The following EEPD1 variants were observed in gnomAD, a reference collection of about 807,000 sequenced individuals.
EEPD1 encodes endonuclease/exonuclease/phosphatase family domain-containing protein 1.
A neutral mutation model predicts 46.3 loss-of-function variants in EEPD1; 17 were observed. The ratio of observed to expected loss-of-function variants is 0.37; its 90% CI spans 0.25 to 0.55. The LOEUF is 0.55. Among genes scored for constraint, EEPD1 ranks in the 20% least tolerant of loss-of-function variants. EEPD1 has a pLI of 0.83. For synonymous variants in EEPD1, 313 were observed against 315.6 expected (o/e 0.99, Z 0.09); for missense variants, 673 against 745.6 (o/e 0.90, Z 1.13).
intron 2 of EEPD1, among the ~76,000 whole-genome samples, chr7:36,183,206 C>T (rs571267617): frequency 2.0e-5 from 3 of 152,156 alleles, no homozygotes; most frequent in Admixed American, 6.5e-5. Context: ...GTAGACGGCA[C>T]GCATGTATCA....
intron 3 of EEPD1, among the ~76,000 whole-genome samples, chr7:36,269,172 A>G (rs1787066000): frequency 6.6e-6 from 1 of 152,214 alleles, no homozygotes. Context: ...TACTCAGCTT[A>G]TTTAGGACTT....
chr7:36,198,359 G>GAAAAAAAAAAAAAAA (rs1381831424), intron 2 of EEPD1, among the ~76,000 whole-genome samples: 1 of 39,650 alleles, frequency 2.5e-5, no homozygotes, highest in Admixed American at 2.8e-4. Flanking sequence ...AAAAAAAAAA[G>GAAAAAAAAAAAAAAA]AAAGATATTT....
At chr7:36,240,763 G>A (rs577961035) in intron 3 of EEPD1, among the ~76,000 whole-genome samples, 35 of 152,246 alleles carry the variant, frequency 2.3e-4, no homozygotes, top group African/African-American at 8.2e-4. Flanking sequence ...TTGGCACCAG[G>A]GACCAGTTTC....
At chr7:36,251,589 C>A (rs555637172) in intron 3 of EEPD1, among the ~76,000 whole-genome samples, 193 of 152,296 alleles carry the variant, frequency 1.3e-3, no homozygotes, top group African/African-American at 4.5e-3. Flanking sequence ...GGATTACAGG[C>A]ATGAGCCACT....
At chr7:36,189,351 G>C (rs2024444) in intron 2 of EEPD1, among the ~76,000 whole-genome samples, 117,803 of 152,164 alleles carry the variant, frequency 0.77, 45,726 homozygotes, top group East Asian at 0.9. Flanking sequence ...TATTCCAAAT[G>C]CTAAGAAAAA....
At chr7:36,278,200 A>G (rs1787210416) in intron 3 of EEPD1, among the ~76,000 whole-genome samples, 2 of 152,164 alleles carry the variant, frequency 1.3e-5, no homozygotes, top group African/African-American at 4.8e-5. Flanking sequence ...AGCCACGAGC[A>G]TGGGAATCAG....
At chr7:36,170,762 C>T (rs1435067782) in intron 2 of EEPD1, among the ~76,000 whole-genome samples, 1 of 152,104 alleles carries the variant, frequency 6.6e-6, no homozygotes, top group Non-Finnish European at 1.5e-5. Flanking sequence ...GTTGCTTGGT[C>T]ATTCACCATA....
intron 2 of EEPD1, among the ~76,000 whole-genome samples, chr7:36,216,581 A>G (rs1309716932): frequency 1.3e-5 from 2 of 152,262 alleles, no homozygotes; most frequent in African/African-American, 4.8e-5. Context: ...CTGGGAAGGT[A>G]TTGTTTGAAA....
chr7:36,261,106 A>G (rs890618571), intron 3 of EEPD1, among the ~76,000 whole-genome samples: 4 of 152,180 alleles, frequency 2.6e-5, no homozygotes, highest in Admixed American at 1.3e-4. Flanking sequence ...GTATAGATGT[A>G]TGTGTGGATG....
intron 2 of EEPD1, among the ~76,000 whole-genome samples, chr7:36,238,386 C>T (rs1454363879): frequency 6.6e-6 from 1 of 152,212 alleles, no homozygotes; most frequent in Admixed American, 6.5e-5. Context: ...TTTTACCCAG[C>T]CCCTATTCAA....
intron 6 of EEPD1, among the ~76,000 whole-genome samples, chr7:36,292,036 C>G (rs1219109330): frequency 6.6e-6 from 1 of 152,216 alleles, no homozygotes; most frequent in Admixed American, 6.5e-5. Flanking sequence ...GCCCTGAAAT[C>G]ACTTTGTAGT....
intron 2 of EEPD1, among the ~76,000 whole-genome samples, chr7:36,188,004 G>T (rs1785391730): frequency 6.6e-6 from 1 of 151,582 alleles, no homozygotes; most frequent in African/African-American, 2.4e-5. Context: ...CACCATGTTG[G>T]TCAGGCTGGT....
At chr7:36,164,887 C>CA (rs34535323) in intron 2 of EEPD1, among the ~76,000 whole-genome samples, 234 of 152,092 alleles carry the variant, frequency 1.5e-3, no homozygotes, top group Admixed American at 2.4e-3. Flanking sequence ...TTAACAGTAG[C>CA]AAAAACTTAT....
intron 3 of EEPD1, 135 bp downstream of exon 3, chr7:36,239,171 A>G (rs1161899907): frequency 1.1e-6 from 1 of 879,992 alleles, no homozygotes; most frequent in Non-Finnish European, 1.8e-6. Flanking sequence ...CTGACAGCGA[A>G]TCATGCAGAA....
At chr7:36,218,655 T>C (rs1786076463) in intron 2 of EEPD1, among the ~76,000 whole-genome samples, 1 of 152,244 alleles carries the variant, frequency 6.6e-6, no homozygotes, top group Non-Finnish European at 1.5e-5. Flanking sequence ...ATTTTCCATT[T>C]AATATTTTTG....
Position 36,251,435 on chromosome 7 carries a change from C to T in EEPD1, c.930+12399C>T, listed in dbSNP as rs907405390. Among the ~76,000 whole-genome samples the T allele has an allele frequency of 5.3e-5, 8 of 152,130 alleles. No individual in the cohort carries two copies. In the East Asian group the frequency reaches 7.7e-4, roughly 15 times the overall value. The stretch of plus-strand genomic sequence containing the variant: ...AAGCAATTCTCCTGCCTCAGCCTCC[C>T]GAGTAGCTGGGATTACAGGCATGCA... On this transcript the variant is annotated intron_variant, in intron 3 of 7. Coordinates refer to ENST00000242108, the MANE Select transcript of EEPD1 (RefSeq NM_030636.3).
At chr7:36,218,500 G>A (rs1033980228) in intron 2 of EEPD1, among the ~76,000 whole-genome samples, 1 of 152,094 alleles carries the variant, frequency 6.6e-6, no homozygotes, top group Admixed American at 6.5e-5. Flanking sequence ...CCTTCTTCTT[G>A]TGCTGATGTG....
At chr7:36,232,833 G>C (rs1439519699) in intron 2 of EEPD1, among the ~76,000 whole-genome samples, 1 of 151,862 alleles carries the variant, frequency 6.6e-6, no homozygotes, top group Non-Finnish European at 1.5e-5. Context: ...ACTTAAATCA[G>C]AGTCAGTTGA....
chr7:36,220,082 G>A (rs73690307), intron 2 of EEPD1, among the ~76,000 whole-genome samples: 4,635 of 152,060 alleles, frequency 0.03, 249 homozygotes, highest in African/African-American at 0.11. Flanking sequence ...TGGAGGATGG[G>A]GATGCTGTCC....
Sources: allele counts gnomAD v4.1 joint callset (sites outside exome capture counted in the v4.1 genomes callset), GRCh38; gene constraint gnomAD v4.1.1; transcripts MANE v1.5; gene names NCBI Gene and HGNC (gene_info 2026-07-23, HGNC 2026-07-21).